Variants in FAM20C observed in about 807,000 individuals in gnomAD.
The protein encoded by FAM20C is FAM20C golgi associated secretory pathway kinase, also known as extracellular serine/threonine protein kinase FAM20C.
FAM20C carries 40 observed loss-of-function variants against 51.5 expected under a neutral mutation model. That is an observed-to-expected ratio of 0.78 (90% CI 0.60 to 1.01). The LOEUF is 1.01. Among genes scored for constraint, FAM20C ranks in the 50% least tolerant of loss-of-function variants. The pLI is 0.00. For missense variants in FAM20C, 861 were observed against 844.7 expected (o/e 1.02, Z -0.24); for synonymous variants, 406 against 380.6 (o/e 1.07, Z -0.78).
At chr7:208,830 C>G in intron 2 of FAM20C, 68 bp from the exon 3 acceptor site, 1 of 1,482,754 alleles carries the variant, frequency 6.7e-7, no homozygotes, top group South Asian at 1.2e-5. Context: ...CAAGAGCCCT[C>G]GTCCGCACAG....
At chr7:213,879 T>C (rs561995321) in intron 3 of FAM20C, among the ~76,000 whole-genome samples, 3 of 152,216 alleles carry the variant, frequency 2.0e-5, no homozygotes, top group African/African-American at 7.2e-5. Flanking sequence ...AGGGGGGTTT[T>C]GTGGTGGTTT....
At chr7:228,594 C>T (rs76449546) in intron 3 of FAM20C, 18,680 of 456,180 alleles carry the variant, frequency 0.041, 703 homozygotes, top group African/African-American at 0.13. Flanking sequence ...CTGAGGGCAG[C>T]GTTTCCACAG....
At chr7:222,830 C>T (rs534645656) in intron 3 of FAM20C, among the ~76,000 whole-genome samples, 7 of 151,968 alleles carry the variant, frequency 4.6e-5, no homozygotes, top group Admixed American at 1.3e-4. Context: ...TGTGTAAGGG[C>T]ATGTGTGTGC....
intron 7 of FAM20C, 60 bp from the exon 8 acceptor site, chr7:256,945 C>T (rs1419443278): frequency 3.3e-6 from 5 of 1,512,886 alleles, no homozygotes; most frequent in African/African-American, 1.4e-5. Context: ...AGCACAGAGG[C>T]CTCTGAGCTA....
chr7:218,414 T>C (rs1395315624), intron 3 of FAM20C, among the ~76,000 whole-genome samples: 1 of 152,240 alleles, frequency 6.6e-6, no homozygotes, highest in Admixed American at 6.5e-5. Context: ...TCACCCGCAC[T>C]GACCCTCGGG....
intron 8 of FAM20C, among the ~76,000 whole-genome samples, 157 bp from the exon 9 acceptor site, chr7:258,486 GGGA>G (rs1788737652): frequency 9.2e-6 from 1 of 108,756 alleles, no homozygotes; most frequent in East Asian, 2.7e-4. Flanking sequence ...GGAGATGGGT[GGGA>G]TGGACCCACT....
intron 3 of FAM20C, chr7:229,077 C>T (rs1787561317): frequency 8.6e-6 from 3 of 349,392 alleles, no homozygotes; most frequent in Non-Finnish European, 1.7e-5. Flanking sequence ...ACGGGGGCCA[C>T]TCTAGGACCA....
At chr7:193,997 T>TCCCGGACCA in intron 1 of FAM20C, 193 bp downstream of exon 1, 1 of 903,350 alleles carries the variant, frequency 1.1e-6, no homozygotes, top group Non-Finnish European at 1.5e-6. Context: ...TGGGAGGGGC[T>TCCCGGACCA]GCCGGCTGGT....
Position 256,246 on chromosome 7 carries a change from G to A in FAM20C, c.1253+217G>A, listed in dbSNP as rs182665289. On this transcript the variant is annotated intron_variant, in intron 6 of 9. Coordinates refer to ENST00000313766, the MANE Select transcript of FAM20C (RefSeq NM_020223.4). ...TCCATGTGCTTCCCTGACCCGGGCCGGCCTGCCCACCAGGTCCCTCGAATC... is the reference window on the plus strand; with the variant it reads ...TCCATGTGCTTCCCTGACCCGGGCCAGCCTGCCCACCAGGTCCCTCGAATC... 5.1e-3 allele frequency: 3,339 copies of A among 657,310 alleles called. 36 individuals are homozygous for A. The highest frequency in any genetic ancestry group is 0.045 in the Middle Eastern group (106 of 2,366). The allele number at this position is 657,310 out of a possible 1,614,324, so 40.7% of individuals were successfully genotyped here.
At chr7:248,268 G>C in intron 4 of FAM20C, 47 bp from the exon 5 acceptor site, 1 of 1,399,920 alleles carries the variant, frequency 7.1e-7, no homozygotes, top group Non-Finnish European at 9.7e-7. Flanking sequence ...ACAGAGGCCC[G>C]CTGAGCCGCA....
chr7:195,774 C>G (rs1785838564), intron 2 of FAM20C, 42 bp downstream of exon 2: 2 of 1,494,076 alleles, frequency 1.3e-6, no homozygotes, highest in Admixed American at 2.0e-5. Flanking sequence ...TGTGTGCCGG[C>G]TGTGTGGCAT....
chr7:233,537 C>G (rs1787761987), intron 3 of FAM20C, among the ~76,000 whole-genome samples: 2 of 152,206 alleles, frequency 1.3e-5, no homozygotes, highest in African/African-American at 2.4e-5. Flanking sequence ...CTGAGCTCCC[C>G]CGGGAGGCTC....
At chr7:256,480 C>T (rs1005395493) in intron 6 of FAM20C, 174 bp from the exon 7 acceptor site, 40 of 625,764 alleles carry the variant, frequency 6.4e-5, no homozygotes, top group Admixed American at 1.3e-4. Context: ...AGAGCGGCTC[C>T]GTCCCCTCCC....
At chr7:219,307 T>G (rs1787142207) in intron 3 of FAM20C, among the ~76,000 whole-genome samples, 1 of 151,744 alleles carries the variant, frequency 6.6e-6, no homozygotes, top group South Asian at 2.1e-4. Flanking sequence ...CCGTGCTTGC[T>G]GAGTGCATGG....
At chr7:231,922 A>G (rs1249245557) in intron 3 of FAM20C, among the ~76,000 whole-genome samples, 1 of 152,100 alleles carries the variant, frequency 6.6e-6, no homozygotes, top group Non-Finnish European at 1.5e-5. Context: ...CAGGACACCC[A>G]AGGACTCCAT....
At chr7:211,714 C>T (rs1786723760) in intron 3 of FAM20C, among the ~76,000 whole-genome samples, 1 of 152,128 alleles carries the variant, frequency 6.6e-6, no homozygotes, top group African/African-American at 2.4e-5. Flanking sequence ...GGCCGGGTTA[C>T]AGCATAGCCA....
rs560378600 is a variant in FAM20C, at chr7:244,772, C to T, written c.864-1643C>T. ...CTCCTGGAATCCTCATCTGGCCTTG[C>T]GCCTACCCAGGGCCCTGTCAAGGCG... On this transcript the variant is annotated intron_variant, in intron 3 of 9. Coordinates refer to ENST00000313766, the MANE Select transcript of FAM20C (RefSeq NM_020223.4). 2.0e-5 allele frequency among the ~76,000 whole-genome samples: 3 copies of T among 152,228 alleles called. No individual in the cohort carries two copies. The East Asian group carries it at 5.8e-4, about 29-fold the overall frequency.
chr7:193,204 A>C lies in FAM20C; in HGVS notation c.5A>C (p.Lys2Thr). 1 of 1,456,740 alleles carries C rather than the reference A, an allele frequency of 6.9e-7. No individual in the cohort carries two copies. Among genetic ancestry groups the C allele is most frequent in the African/African-American group, 1.5e-5 (1 of 67,622 alleles). 90.2% of individuals were successfully genotyped at this position (1,456,740 alleles called of 1,614,324 possible). A position where few individuals can be genotyped will look rare whatever the true frequency, so the allele number is the denominator to read the frequency against. The change falls in exon 1 of 10, where the codon AAG becomes ACG. Residue 2 changes from lysine to threonine, a missense_variant. Lys to Thr is a moderately conservative substitution (Grantham distance 78). Transcript: ENST00000313766. M[K>T]MMLVRRFRVL... ...CCCGGGCCGGCCCGCGCGGCCATGA[A>C]GATGATGCTGGTGCGCCGGTTCCGC...
chr7:200,877 G>A (rs767754311), intron 2 of FAM20C, among the ~76,000 whole-genome samples: 4 of 152,104 alleles, frequency 2.6e-5, no homozygotes, highest in East Asian at 1.9e-4. Context: ...CCCTTACCTC[G>A]CAGTAGGTTC....
Sources: allele counts gnomAD v4.1 joint callset (sites outside exome capture counted in the v4.1 genomes callset), GRCh38; gene constraint gnomAD v4.1.1; transcripts MANE v1.5; gene names NCBI Gene and HGNC (gene_info 2026-07-23, HGNC 2026-07-21).